The following NFE2L3 variants were observed in gnomAD, a reference collection of about 807,000 sequenced individuals.
The protein encoded by NFE2L3 is NFE2 like bZIP transcription factor 3.
NFE2L3 carries 18 observed loss-of-function variants against 23.5 expected under a neutral mutation model. The observed-to-expected ratio is 0.77, with a 90% CI of 0.53 to 1.13. NFE2L3 has a LOEUF of 1.13. Among genes scored for constraint, NFE2L3 ranks in the 50% most tolerant of loss-of-function variants. The pLI is 0.00. For synonymous variants in NFE2L3, 424 were observed against 354.5 expected (o/e 1.20, Z -2.20); for missense variants, 1,152 against 877.2 (o/e 1.31, Z -3.96).
chr7:26,173,313 G>A (rs984128620), intron 1 of NFE2L3, among the ~76,000 whole-genome samples: 3 of 152,012 alleles, frequency 2.0e-5, no homozygotes, highest in African/African-American at 7.3e-5. Context: ...TTTCTCTATG[G>A]GCTTGATCTG....
intron 1 of NFE2L3, among the ~76,000 whole-genome samples, chr7:26,173,029 T>G (rs1235677457): frequency 6.6e-6 from 1 of 152,164 alleles, no homozygotes; most frequent in African/African-American, 2.4e-5. Context: ...AAAGATTTCC[T>G]TTTTCCTTCA....
chr7:26,179,896 T>A (rs756918061), intron 2 of NFE2L3, among the ~76,000 whole-genome samples: 1 of 152,104 alleles, frequency 6.6e-6, no homozygotes, highest in Admixed American at 6.5e-5. Flanking sequence ...CACCTTTTCG[T>A]GTATAGGTTC....
At chr7:26,178,935 T>C (rs1009659652) in intron 2 of NFE2L3, among the ~76,000 whole-genome samples, 3 of 152,182 alleles carry the variant, frequency 2.0e-5, no homozygotes, top group African/African-American at 7.2e-5. Context: ...AGTTTAGGGC[T>C]GTGTTTTGAA....
intron 1 of NFE2L3, among the ~76,000 whole-genome samples, chr7:26,158,053 T>A (rs1487917615): frequency 8.4e-6 from 1 of 119,268 alleles, no homozygotes; most frequent in Non-Finnish European, 1.8e-5. Context: ...TGTTTTGTTT[T>A]GTTTTTTATT....
In NFE2L3 at chr7:26,176,736, GGCAGCCGGGCAGAGGCGCTCC is replaced by G. The variant is rs1183062268; in HGVS notation, c.571-1206_571-1186del. ...GGCGCTCCTCACATCCCAGACGATG[GGCAGCCGGGCAGAGGCGCTCC>G]TCACTTCCCAGACGGGGTGGCCAGG... On this transcript the variant is annotated intron_variant, in intron 1 of 3. Transcript: ENST00000056233. 1.5e-4 allele frequency among the ~76,000 whole-genome samples: 10 copies of G among 66,562 alleles called. 4 individuals carry two copies. The highest frequency in any genetic ancestry group is 5.5e-4 in the African/African-American group (6 of 10,908). The allele number at this position is 66,562 out of a possible 152,430, so 43.7% of individuals were successfully genotyped here.
chr7:26,183,449 A>G (rs765198653), intron 2 of NFE2L3, among the ~76,000 whole-genome samples: 15 of 143,852 alleles, frequency 1.0e-4, no homozygotes, highest in Admixed American at 2.1e-4. Flanking sequence ...TCCGGAGGCT[A>G]AGGCAGGAGA....
intron 2 of NFE2L3, among the ~76,000 whole-genome samples, chr7:26,181,279 A>G (rs1403630175): frequency 6.6e-5 from 10 of 152,144 alleles, no homozygotes; most frequent in East Asian, 1.9e-4. Context: ...ACCCAGCCAC[A>G]TTTCTTATAG....
chr7:26,183,862 C>T, intron 3 of NFE2L3, 78 bp downstream of exon 3: 4 of 930,374 alleles, frequency 4.3e-6, no homozygotes, highest in Non-Finnish European at 7.1e-6. Context: ...AACTCCTTTA[C>T]TTGGATGACA....
chr7:26,174,865 A>G (rs1784375725), intron 1 of NFE2L3: 1 of 152,226 alleles, frequency 6.6e-6, no homozygotes, highest in African/African-American at 2.4e-5. Flanking sequence ...TTTTAACATG[A>G]TAGTTGAAAC....
intron 2 of NFE2L3, 30 bp from the exon 3 acceptor site, chr7:26,183,667 ATGTG>A (rs1461185161): frequency 1.5e-6 from 2 of 1,351,526 alleles, no homozygotes; most frequent in African/African-American, 1.4e-5. Flanking sequence ...TCAGTCTTTT[ATGTG>A]AAAGATGCAC....
intron 2 of NFE2L3, among the ~76,000 whole-genome samples, chr7:26,180,988 G>A (rs1039860476): frequency 6.6e-6 from 1 of 151,178 alleles, no homozygotes; most frequent in African/African-American, 2.4e-5. Flanking sequence ...TGAGGAAGGC[G>A]GCGGGGGAGA....
chr7:26,172,323 C>T (rs186269717), intron 1 of NFE2L3, among the ~76,000 whole-genome samples: 13 of 152,264 alleles, frequency 8.5e-5, no homozygotes, highest in Admixed American at 8.5e-4. Context: ...ACCCTTTACC[C>T]AGATTTACCT....
chr7:26,186,996 T>C lies in NFE2L3; in HGVS notation c.*1213T>C, dbSNP rs1182667919. The C allele has an allele frequency of 6.6e-6, 1 of 152,180 alleles. No homozygotes were observed. Among genetic ancestry groups the C allele is most frequent in the Non-Finnish European group, 1.5e-5 (1 of 68,040 alleles). The allele number at this position is 152,180 out of a possible 1,614,324, so 9.4% of individuals were successfully genotyped here. A position where few individuals can be genotyped will look rare whatever the true frequency, so the allele number is the denominator to read the frequency against. ...GCTTAATATGTCCAAATTTTCAAAA[T>C]GAAGTTTCTCAGATATTATTTCTGC... On this transcript the variant is annotated 3_prime_UTR_variant, in exon 4 of 4. Coordinates refer to ENST00000056233, the MANE Select transcript of NFE2L3 (RefSeq NM_004289.7).
rs1784517716 is a variant in NFE2L3, at chr7:26,181,830, AAAG to A, written c.751-1870_751-1868del. Among the ~76,000 whole-genome samples, 3 of 152,186 alleles carry A rather than the reference AAAG, an allele frequency of 2.0e-5. No homozygotes were observed. In the South Asian group the frequency reaches 6.2e-4, roughly 31 times the overall value. The stretch of plus-strand genomic sequence containing the variant: ...CCCAAATGAAATTCTAGATATGAAA[AAAG>A]TCATTTTCATTGAAAATTCAGTGGA... On this transcript the variant is annotated intron_variant, in intron 2 of 3. Coordinates refer to ENST00000056233, the MANE Select transcript of NFE2L3 (RefSeq NM_004289.7).
intron 2 of NFE2L3, among the ~76,000 whole-genome samples, chr7:26,182,903 C>T (rs1782360260): frequency 6.6e-6 from 1 of 152,174 alleles, no homozygotes; most frequent in African/African-American, 2.4e-5. Flanking sequence ...AGGCAGTCCT[C>T]CTGCCTCACC....
chr7:26,168,969 G>A (rs1474425159), intron 1 of NFE2L3, among the ~76,000 whole-genome samples: 1 of 152,178 alleles, frequency 6.6e-6, no homozygotes, highest in African/African-American at 2.4e-5. Flanking sequence ...CCCAGCTACT[G>A]GGTAGGATAG....
Position 26,152,808 on chromosome 7 carries a change from C to T in NFE2L3, c.310C>T (p.Pro104Ser). ...GCGCGCGCTCGGGGTCCCCTTCGTCCCTCGCACCAGCGTGGATGCATGGCT... is the reference window on the plus strand; with the variant it reads ...GCGCGCGCTCGGGGTCCCCTTCGTCTCTCGCACCAGCGTGGATGCATGGCT... ...EVRALGVPFVPRTSVDAWLVH... is the reference protein window; with the variant it reads ...EVRALGVPFVSRTSVDAWLVH... Residue 104 changes from proline to serine, a missense_variant, in exon 1 of 4, where the codon CCT becomes TCT. Physicochemically the swap from Pro to Ser is moderately conservative, Grantham distance 74. Transcript: ENST00000056233. The surrounding 1 kb of genome is among the most constrained non-coding windows in gnomAD (Gnocchi z 4.4). The T allele has an allele frequency of 2.0e-6, 3 of 1,488,076 alleles. No individual in the cohort carries two copies. The highest frequency in any genetic ancestry group is 1.8e-6 in the Non-Finnish European group (2 of 1,126,864). The allele number at this position is 1,488,076 out of a possible 1,614,324, so 92.2% of individuals were successfully genotyped here.
intron 2 of NFE2L3, among the ~76,000 whole-genome samples, chr7:26,181,903 CTAAGAAAATTATCTAGAATA>C (rs1446099532): frequency 6.6e-6 from 1 of 151,838 alleles, no homozygotes; most frequent in Non-Finnish European, 1.5e-5. Context: ...GAAGAAAGAT[CTAAGAAAATTATCTAGAATA>C]TACCAGAGAA....
chr7:26,179,945 T>C (rs929192516), intron 2 of NFE2L3, among the ~76,000 whole-genome samples: 4 of 152,158 alleles, frequency 2.6e-5, no homozygotes, highest in Non-Finnish European at 5.9e-5. Flanking sequence ...AGTCTTCCTC[T>C]TGACAGGGGC....
Sources: allele counts gnomAD v4.1 joint callset (sites outside exome capture counted in the v4.1 genomes callset), GRCh38; gene constraint gnomAD v4.1.1; non-coding constraint Gnocchi (gnomAD v3.1); transcripts MANE v1.5; gene names NCBI Gene and HGNC (gene_info 2026-07-23, HGNC 2026-07-21).